The following LPCAT1 variants were observed in gnomAD, a reference collection of about 807,000 sequenced individuals.
The protein encoded by LPCAT1 is 1-acylglycerol-3-phosphate O-acyltransferase.
In LPCAT1, 23 loss-of-function variants were observed where a neutral mutation model predicts 60.9. The observed-to-expected ratio is 0.38, with a 90% CI of 0.27 to 0.53. The LOEUF is 0.53. Ranked by LOEUF, LPCAT1 falls within the 20% of genes least tolerant of loss-of-function variation. The probability of loss-of-function intolerance (pLI) is 0.82; values close to 1 mark genes in which losing one functional copy is unlikely to be tolerated. For missense variants in LPCAT1, 622 were observed against 723.6 expected, an observed-to-expected ratio of 0.86 and a Z score of 1.61; for synonymous variants, 340 against 301.1, an observed-to-expected ratio of 1.13 and a Z score of -1.34.
chr5:1,517,706 G>T (rs763001655), intron 1 of LPCAT1, among the ~76,000 whole-genome samples: 1 of 151,534 alleles, frequency 6.6e-6, no homozygotes, highest in Non-Finnish European at 1.5e-5. Context: ...AGGAAGAAAC[G>T]ATTTAAATAA....
chr5:1,501,649 C>G lies in LPCAT1; in HGVS notation c.136-46G>C, dbSNP rs1198358327. On this transcript the variant is annotated intron_variant, in intron 1 of 13. Coordinates refer to ENST00000283415, the MANE Select transcript of LPCAT1 (RefSeq NM_024830.5). ...TATCCAGAGAATCCATGTAGGACAC[C>G]AGGCAGCTCCCCACCCGGCAGAGGC... The G allele has an allele frequency of 1.9e-6, 3 of 1,599,444 alleles. 1 individual carries two copies. Among genetic ancestry groups the G allele is most frequent in the South Asian group, 2.2e-5 (2 of 90,682 alleles).
chr5:1,496,994 C>T lies in LPCAT1; in HGVS notation c.279-2080G>A, dbSNP rs1331352736. ...CCCCCAGGAAATCCACTCCGTCCTACCGCCCTCACACGGACGACACCCAAG... is the reference window on the plus strand; with the variant it reads ...CCCCCAGGAAATCCACTCCGTCCTATCGCCCTCACACGGACGACACCCAAG... On this transcript the variant is annotated intron_variant, in intron 2 of 13. Coordinates refer to ENST00000283415, the MANE Select transcript of LPCAT1 (RefSeq NM_024830.5). This position sits in a 1 kb window ranked among gnomAD's most constrained non-coding sequence, Gnocchi z 4.7. 1.3e-5 allele frequency among the ~76,000 whole-genome samples: 2 copies of T among 152,184 alleles called. No individual in the cohort carries two copies. The highest frequency in any genetic ancestry group is 2.9e-5 in the Non-Finnish European group (2 of 68,030).
rs138001473 is a variant in LPCAT1, at chr5:1,480,892, C to T, written c.761+50G>A. Reference sequence around the variant, plus strand: ...CACAGCAGACCCCAAGCAGCCCCTACGTGTTCATGGAACAACAGGACAAAG... The same window carrying T: ...CACAGCAGACCCCAAGCAGCCCCTATGTGTTCATGGAACAACAGGACAAAG... On this transcript the variant is annotated intron_variant, in intron 7 of 13. Coordinates refer to ENST00000283415, the MANE Select transcript of LPCAT1 (RefSeq NM_024830.5). The surrounding 1 kb of genome is among the most constrained non-coding windows in gnomAD (Gnocchi z 6.4). 33 of 1,609,178 alleles carry T rather than the reference C, an allele frequency of 2.1e-5. No individual in the cohort carries two copies. Among genetic ancestry groups the T allele is most frequent in the African/African-American group, 4.0e-5 (3 of 74,948 alleles).
At position 1,469,409 on chromosome 5, in the gene LPCAT1, C is replaced by CA. The variant is rs200219606; in HGVS notation, c.1278+1416dup. The stretch of plus-strand genomic sequence containing the variant: ...ACAGCCCATTGTTCATGTTGAGAAA[C>CA]AAGGCAACTGCCACCCCCACCGCTG... On this transcript the variant is annotated intron_variant, in intron 12 of 13. Transcript: ENST00000283415. 1.6e-3 allele frequency among the ~76,000 whole-genome samples: 240 copies of CA among 152,302 alleles called. 2 individuals carry two copies. Among genetic ancestry groups the CA allele is most frequent in the African/African-American group, 5.3e-3 (221 of 41,562 alleles).
At chr5:1,509,594 G>A (rs1034667283) in intron 1 of LPCAT1, among the ~76,000 whole-genome samples, 2 of 152,116 alleles carry the variant, frequency 1.3e-5, no homozygotes, top group Non-Finnish European at 2.9e-5. Context: ...GGAGCTTCGG[G>A]AATCACCCAC....
chr5:1,519,137 T>G (rs1736595803), intron 1 of LPCAT1, among the ~76,000 whole-genome samples: 1 of 152,260 alleles, frequency 6.6e-6, no homozygotes, highest in African/African-American at 2.4e-5. Flanking sequence ...GCAAAGACAG[T>G]GTCCGTTTAA....
chr5:1,500,094 C>A (rs867683810), intron 2 of LPCAT1, among the ~76,000 whole-genome samples: 15 of 152,240 alleles, frequency 9.9e-5, no homozygotes, highest in African/African-American at 2.7e-4. Context: ...AGCGGGCGTG[C>A]CCGTGCTCCA....
Position 1,480,232 on chromosome 5 carries a change from C to G in LPCAT1, c.762-557G>C. ...GGGACCCCAGAACCCCTATACCCCC[C>G]AGAGCCCCCTCCCAGCTCTGCTCCC... On this transcript the variant is annotated intron_variant, in intron 7 of 13. Transcript: ENST00000283415. This position sits in a 1 kb window ranked among gnomAD's most constrained non-coding sequence, Gnocchi z 6.4. 2 of 704,944 alleles carry G rather than the reference C, an allele frequency of 2.8e-6. No homozygotes were observed. The highest frequency in any genetic ancestry group is 3.5e-6 in the Non-Finnish European group (2 of 574,018). The allele number at this position is 704,944 out of a possible 1,614,324, so 43.7% of individuals were successfully genotyped here. A position where few individuals can be genotyped will look rare whatever the true frequency, so the allele number is the denominator to read the frequency against.
chr5:1,463,206 G>A lies in LPCAT1; in HGVS notation c.*445C>T, dbSNP rs936570390. 1.2e-5 allele frequency: 2 copies of A among 160,200 alleles called. No individual in the cohort carries two copies. Among genetic ancestry groups the A allele is most frequent in the African/African-American group, 4.8e-5 (2 of 41,748 alleles). 9.9% of individuals were successfully genotyped at this position (160,200 alleles called of 1,614,324 possible). A position where few individuals can be genotyped will look rare whatever the true frequency, so the allele number is the denominator to read the frequency against. On this transcript the variant is annotated 3_prime_UTR_variant, in exon 14 of 14. Transcript: ENST00000283415. Reference sequence around the variant, plus strand: ...GACGGCTCGGCTCTGCCAGGCTGTGGATCCACAGAGGCAGACAGGTTTCGT... The same window carrying A: ...GACGGCTCGGCTCTGCCAGGCTGTGAATCCACAGAGGCAGACAGGTTTCGT...
intron 7 of LPCAT1, 122 bp from the exon 8 acceptor site, chr5:1,479,797 G>T: frequency 1.3e-6 from 1 of 740,990 alleles, no homozygotes; most frequent in East Asian, 2.7e-5. Flanking sequence ...GGCAGTCAAC[G>T]CTCCCACGGA....
In LPCAT1 at chr5:1,473,959, C is replaced by T. The variant is rs769059153; in HGVS notation, c.1177G>A (p.Glu393Lys). The T allele has an allele frequency of 1.9e-6, 3 of 1,614,132 alleles. No individual in the cohort carries two copies. Among genetic ancestry groups the T allele is most frequent in the Non-Finnish European group, 2.5e-6 (3 of 1,180,006 alleles). ...LLEDMFSLFD[E>K]SGSGEVDLRE... The stretch of plus-strand genomic sequence containing the variant: ...GCTCCGCAGGCGACAGGCCCTACCT[C>T]GTCGAACAGTGAAAACATGTCTTCC... Residue 393 changes from glutamate to lysine, a missense_variant and splice_region_variant, in exon 11 of 14, where the codon GAG becomes AAG. This residue lies in a region of LPCAT1 where 288 missense variants were observed against 283.6 expected (regional missense o/e 1.02). Coordinates refer to ENST00000283415, the MANE Select transcript of LPCAT1 (RefSeq NM_024830.5).
At chr5:1,466,639 G>A (rs538261596) in intron 13 of LPCAT1, 110 bp downstream of exon 13, 5 of 1,210,742 alleles carry the variant, frequency 4.1e-6, no homozygotes, top group East Asian at 2.8e-5. Context: ...GGTGAATGGA[G>A]GCATGGCGGG....
chr5:1,518,626 C>T (rs1000180865), intron 1 of LPCAT1, among the ~76,000 whole-genome samples: 13 of 152,236 alleles, frequency 8.5e-5, no homozygotes, highest in South Asian at 2.1e-4. Flanking sequence ...AGGCGTGAGC[C>T]GTTGCGCCCG....
At position 1,521,296 on chromosome 5, in the gene LPCAT1, C is replaced by A; in HGVS notation, c.135+2414G>T. 1 of 983,918 alleles carries A rather than the reference C, an allele frequency of 1.0e-6. No homozygotes were observed. Among genetic ancestry groups the A allele is most frequent in the African/African-American group, 1.7e-5 (1 of 57,320 alleles). 60.9% of individuals were successfully genotyped at this position (983,918 alleles called of 1,614,324 possible). On this transcript the variant is annotated intron_variant, in intron 1 of 13. Coordinates refer to ENST00000283415, the MANE Select transcript of LPCAT1 (RefSeq NM_024830.5). The surrounding 1 kb of genome is among the most constrained non-coding windows in gnomAD (Gnocchi z 4.3). ...CGCATGGCGCTAATCCGAAGACACA[C>A]AGCAGCCCCTCCCAGGCGGCAAATG...
At chr5:1,500,093 GC>G (rs908143253) in intron 2 of LPCAT1, among the ~76,000 whole-genome samples, 6 of 152,242 alleles carry the variant, frequency 3.9e-5, no homozygotes, top group Non-Finnish European at 8.8e-5. Flanking sequence ...CAGCGGGCGT[GC>G]CCGTGCTCCA....
At chr5:1,488,250 CTT>C (rs1205846604) in intron 5 of LPCAT1, 139 bp downstream of exon 5, 1 of 528,626 alleles carries the variant, frequency 1.9e-6, no homozygotes, top group African/African-American at 1.9e-5. Flanking sequence ...TGTGACTTTT[CTT>C]AGGAATACCT....
intron 2 of LPCAT1, among the ~76,000 whole-genome samples, chr5:1,497,411 G>A (rs1560981048): frequency 6.6e-6 from 1 of 152,262 alleles, no homozygotes; most frequent in Non-Finnish European, 1.5e-5. Flanking sequence ...CAAATGTTCT[G>A]CTGTGAGCAG....
In LPCAT1 at chr5:1,476,844, G is replaced by T. The variant is rs192378628; in HGVS notation, c.899+560C>A. Among the ~76,000 whole-genome samples, 1 of 148,034 alleles carries T rather than the reference G, an allele frequency of 6.8e-6. No homozygotes were observed. Among genetic ancestry groups the T allele is most frequent in the Non-Finnish European group, 1.5e-5 (1 of 67,726 alleles). ...AGCTGACGACACCGAGGGAGGGAGA[G>T]GGGGAGGGCGTGTGAGCCGACAGCA... On this transcript the variant is annotated intron_variant, in intron 9 of 13. Transcript: ENST00000283415. The surrounding 1 kb of genome is among the most constrained non-coding windows in gnomAD (Gnocchi z 8.6).
rs965222316 is a variant in LPCAT1 at position 1,487,305 on chromosome 5, G to A, written c.667+1086C>T. ...GGGCACACGGATTCGTGGTCACCGC[G>A]TGCCGCCTCCACCCTCTGCATCTCT... is the stretch of plus-strand genomic sequence containing the variant. On this transcript the variant is annotated intron_variant, in intron 5 of 13. Transcript: ENST00000283415. The surrounding 1 kb of genome is among the most constrained non-coding windows in gnomAD (Gnocchi z 6.1). Among the ~76,000 whole-genome samples, 13 of 152,208 alleles carry A rather than the reference G, an allele frequency of 8.5e-5. No individual in the cohort carries two copies. Among genetic ancestry groups the A allele is most frequent in the African/African-American group, 2.7e-4 (11 of 41,450 alleles).
Sources: allele counts gnomAD v4.1 joint callset (sites outside exome capture counted in the v4.1 genomes callset), GRCh38; gene constraint gnomAD v4.1.1; regional missense constraint gnomAD v4.1.1; non-coding constraint Gnocchi (gnomAD v3.1); transcripts MANE v1.5; gene names NCBI Gene and HGNC (gene_info 2026-07-23, HGNC 2026-07-21).